SORCS3: variants seen among roughly 807,000 people sequenced by gnomAD.
SORCS3 encodes sortilin related VPS10 domain containing receptor 3.
Under a neutral mutation model 146.3 loss-of-function variants are expected in SORCS3, and 57 were observed. The observed-to-expected ratio is 0.39, with a 90% CI of 0.31 to 0.49. SORCS3 has a LOEUF of 0.49. SORCS3 is among the 20% of genes least tolerant of loss of function. The pLI is 0.92. For synonymous variants in SORCS3, 653 were observed against 618.5 expected, an observed-to-expected ratio of 1.06 and a Z score of -0.83; for missense variants, 1,341 against 1,575.5, an observed-to-expected ratio of 0.85 and a Z score of 2.52.
chr10:104,648,815 A>G (rs2015526282), intron 1 of SORCS3, among the ~76,000 whole-genome samples: 1 of 152,214 alleles, frequency 6.6e-6, no homozygotes, highest in Admixed American at 6.5e-5. Flanking sequence ...AAAATAATGG[A>G]GTCTAAGAAC....
chr10:105,047,860 A>T (rs1046963919), intron 5 of SORCS3, among the ~76,000 whole-genome samples: 1 of 152,098 alleles, frequency 6.6e-6, no homozygotes, highest in Admixed American at 6.6e-5. Flanking sequence ...ATGGAAAAAC[A>T]AAGTGTGTCC....
intron 4 of SORCS3, among the ~76,000 whole-genome samples, chr10:104,995,051 A>C (rs1383539218): frequency 6.6e-6 from 1 of 152,108 alleles, no homozygotes; most frequent in Non-Finnish European, 1.5e-5. Flanking sequence ...ATTTCCACTA[A>C]TAATTCATGA....
chr10:105,225,296 A>G (rs959633992), intron 20 of SORCS3, among the ~76,000 whole-genome samples: 14 of 152,064 alleles, frequency 9.2e-5, no homozygotes, highest in African/African-American at 2.9e-4. Flanking sequence ...TTTTTTTGGC[A>G]TGTGGATATC....
At chr10:104,954,206 G>A (rs919207131) in intron 3 of SORCS3, among the ~76,000 whole-genome samples, 2 of 152,190 alleles carry the variant, frequency 1.3e-5, no homozygotes, top group African/African-American at 4.8e-5. Context: ...CTGGAGATCT[G>A]TGTAATTTCT....
intron 4 of SORCS3, among the ~76,000 whole-genome samples, chr10:105,025,837 A>AACACACAC (rs57597161): frequency 0.054 from 7,296 of 135,380 alleles, 285 homozygotes; most frequent in African/African-American, 0.082. Context: ...TGTCTTCTCA[A>AACACACAC]ACACACACAC....
chr10:104,974,967 C>T (rs1157986634), intron 3 of SORCS3, among the ~76,000 whole-genome samples: 5 of 152,028 alleles, frequency 3.3e-5, no homozygotes, highest in Admixed American at 3.3e-4. Flanking sequence ...CTTAGTTTGG[C>T]TGGATATGAA....
chr10:104,760,490 C>T (rs1243358695), intron 1 of SORCS3, among the ~76,000 whole-genome samples: 1 of 152,198 alleles, frequency 6.6e-6, no homozygotes, highest in Non-Finnish European at 1.5e-5. Flanking sequence ...GTTTTATGTA[C>T]TCCAAGTTGA....
chr10:105,214,850 A>G (rs2056655994), intron 18 of SORCS3, among the ~76,000 whole-genome samples: 1 of 152,226 alleles, frequency 6.6e-6, no homozygotes, highest in African/African-American at 2.4e-5. Context: ...CCTCTGGAGC[A>G]TGCAGATCTG....
At chr10:104,824,375 A>G (rs531464419) in intron 1 of SORCS3, among the ~76,000 whole-genome samples, 1 of 152,334 alleles carries the variant, frequency 6.6e-6, no homozygotes, top group East Asian at 1.9e-4. Flanking sequence ...AAGTTGTATA[A>G]GCATGTATCT....
At chr10:105,059,937 T>C (rs772344209) in intron 5 of SORCS3, among the ~76,000 whole-genome samples, 1 of 152,194 alleles carries the variant, frequency 6.6e-6, no homozygotes, top group Non-Finnish European at 1.5e-5. Context: ...ACCAGCAAAA[T>C]ACATAACTGT....
At chr10:105,006,221 C>T (rs1240590226) in intron 4 of SORCS3, among the ~76,000 whole-genome samples, 1 of 152,216 alleles carries the variant, frequency 6.6e-6, no homozygotes, top group Non-Finnish European at 1.5e-5. Flanking sequence ...GGATTACAGG[C>T]ATGAGCCACC....
At chr10:104,923,885 T>A (rs61867344) in intron 3 of SORCS3, among the ~76,000 whole-genome samples, 22,055 of 152,252 alleles carry the variant, frequency 0.14, 2,055 homozygotes, top group Middle Eastern at 0.2. Flanking sequence ...ATGACAATGA[T>A]AGTAAAAATA....
intron 2 of SORCS3, among the ~76,000 whole-genome samples, chr10:104,881,235 A>G (rs989088702): frequency 6.6e-6 from 1 of 152,162 alleles, no homozygotes; most frequent in Admixed American, 6.5e-5. Context: ...AGAGATACAA[A>G]TATGGGTGAG....
chr10:105,206,577 G>T (rs1253870653), intron 16 of SORCS3, among the ~76,000 whole-genome samples: 3 of 152,040 alleles, frequency 2.0e-5, no homozygotes, highest in African/African-American at 7.2e-5. Context: ...GTACTTCAAA[G>T]AAATAAATAA....
At chr10:105,260,525 G>A (rs1377563542) in intron 25 of SORCS3, among the ~76,000 whole-genome samples, 1 of 152,304 alleles carries the variant, frequency 6.6e-6, no homozygotes, top group Admixed American at 6.5e-5. Flanking sequence ...ACCAGTAGGG[G>A]TCATGGGGAC....
intron 4 of SORCS3, among the ~76,000 whole-genome samples, chr10:105,040,122 A>T (rs944825386): frequency 6.6e-6 from 1 of 152,184 alleles, no homozygotes; most frequent in African/African-American, 2.4e-5. Context: ...GGTACCTGTC[A>T]TAGGAAGGAG....
At chr10:104,685,644 T>A (rs1183815440) in intron 1 of SORCS3, among the ~76,000 whole-genome samples, 1 of 152,194 alleles carries the variant, frequency 6.6e-6, no homozygotes, top group Non-Finnish European at 1.5e-5. Context: ...TTCCCCATCT[T>A]TAAGCCCTTA....
At chr10:105,167,223 T>C (rs781700427) in intron 12 of SORCS3, 35 bp from the exon 13 acceptor site, 10 of 1,502,724 alleles carry the variant, frequency 6.7e-6, no homozygotes, top group Non-Finnish European at 9.3e-6. Flanking sequence ...TGTAAGGTGT[T>C]GCTATGATTG....
At chr10:104,797,617 A>G (rs1436394657) in intron 1 of SORCS3, among the ~76,000 whole-genome samples, 1 of 152,186 alleles carries the variant, frequency 6.6e-6, no homozygotes. Flanking sequence ...CTTTAGAGCA[A>G]TGTCTAAGGT....
Sources: gnomAD v4.1 joint callset for allele counts (sites outside exome capture counted in the v4.1 genomes callset) on GRCh38, gnomAD v4.1.1 for gene constraint, MANE v1.5 for transcripts, NCBI Gene and HGNC (gene_info 2026-07-23, HGNC 2026-07-21) for gene names.